The following ASB13 variants were observed in gnomAD, a reference collection of about 807,000 sequenced individuals.
The protein encoded by ASB13 is ankyrin repeat and SOCS box containing 13, also known as ankyrin repeat and SOCS box protein 13.
In ASB13, 33 loss-of-function variants were observed where a neutral mutation model predicts 28.8. That is an observed-to-expected ratio of 1.15 (90% CI 0.87 to 1.53). The LOEUF is 1.53. Ranked by LOEUF, ASB13 falls within the 40% of genes most tolerant of loss-of-function variation. The pLI is 0.00. For synonymous variants in ASB13, 182 were observed against 172.9 expected (o/e 1.05, Z -0.41); for missense variants, 414 against 390.1 (o/e 1.06, Z -0.52).
At position 5,641,437 on chromosome 10, in the gene ASB13, A is replaced by G. The variant is rs1427408929; in HGVS notation, c.709+333T>C. 3.3e-5 allele frequency among the ~76,000 whole-genome samples: 5 copies of G among 152,288 alleles called. No homozygotes were observed. The highest frequency in any genetic ancestry group is 4.8e-5 in the African/African-American group (2 of 41,568). On this transcript the variant is annotated intron_variant, in intron 5 of 5. Coordinates refer to ENST00000357700, the MANE Select transcript of ASB13 (RefSeq NM_024701.4). The surrounding 1 kb of genome is among the most constrained non-coding windows in gnomAD (Gnocchi z 8.4). The stretch of plus-strand genomic sequence containing the variant: ...TTTTGGTTTTTTGAGACACGGCATT[A>G]TATTTCAGCACCCAAACTTGTCATC...
At position 5,652,049 on chromosome 10, in the gene ASB13, C is replaced by G. The variant is rs1834997263; in HGVS notation, c.232-686G>C. Among the ~76,000 whole-genome samples the G allele has an allele frequency of 6.9e-6, 1 of 145,256 alleles. No individual in the cohort carries two copies. The highest frequency in any genetic ancestry group is 2.6e-5 in the African/African-American group (1 of 38,316). On this transcript the variant is annotated intron_variant, in intron 2 of 5. Transcript: ENST00000357700. This position sits in a 1 kb window ranked among gnomAD's most constrained non-coding sequence, Gnocchi z 5.0. The stretch of plus-strand genomic sequence containing the variant: ...AACCACACACACACACACACACACA[C>G]ACACACACACACAAAACTCTAACCT...
Position 5,641,142 on chromosome 10 carries a change from C to T in ASB13, c.710-312G>A, listed in dbSNP as rs1052885154. On this transcript the variant is annotated intron_variant, in intron 5 of 5. Coordinates refer to ENST00000357700, the MANE Select transcript of ASB13 (RefSeq NM_024701.4). This position sits in a 1 kb window ranked among gnomAD's most constrained non-coding sequence, Gnocchi z 8.4. ...GAGGCAAGAATCTCTTACTCTGTCA[C>T]CCAGGCTGGAGTGCAGCGGCACAAT... Among the ~76,000 whole-genome samples, 5 of 152,150 alleles carry T rather than the reference C, an allele frequency of 3.3e-5. No homozygotes were observed. The highest frequency in any genetic ancestry group is 7.4e-5 in the Non-Finnish European group (5 of 68,026).
chr10:5,666,509 C>T lies in ASB13; in HGVS notation c.43G>A (p.Gly15Ser). The change falls in exon 1 of 6, where the codon GGT (glycine) becomes AGT (serine). Residue 15 changes from glycine to serine, a missense_variant and splice_region_variant. Gly to Ser is a moderately conservative substitution (Grantham distance 56). Coordinates refer to ENST00000357700, the MANE Select transcript of ASB13 (RefSeq NM_024701.4). ...TGACCTCCGCGGCGCCCGCACGTAC[C>T]CACGTCGCCCAGGAAGCAGCCGTCC... ...AADGCFLGDV[G>S]FWVERTPVHE... is the part of the protein sequence containing the mutation. 1 of 1,289,190 alleles carries T rather than the reference C, an allele frequency of 7.8e-7. No homozygotes were observed. The highest frequency in any genetic ancestry group is 9.9e-7 in the Non-Finnish European group (1 of 1,013,694). 79.9% of individuals were successfully genotyped at this position (1,289,190 alleles called of 1,614,324 possible). A position where few individuals can be genotyped will look rare whatever the true frequency, so the allele number is the denominator to read the frequency against.
rs573693317 is a variant in ASB13, at chr10:5,649,022, G to A, written c.465C>T (p.His155=). Residue 155 remains histidine, a synonymous_variant, in exon 4 of 6, where the codon CAC becomes CAT. Transcript: ENST00000357700. This position sits in a 1 kb window ranked among gnomAD's most constrained non-coding sequence, Gnocchi z 6.4. ...CCAGATGCTCCCGGGCACAGGCAAC[G>A]TGCAGAGGGGTCCCAAAATGGCAAT... ...AHDCHFGTPL[H]VACAREHLDC... The A allele has an allele frequency of 6.6e-5, 107 of 1,614,262 alleles. No homozygotes were observed. The South Asian group carries it at 1.0e-3, about 15-fold the overall frequency.
chr10:5,664,672 C>A lies in ASB13; in HGVS notation c.43+1837G>T, dbSNP rs2386640. ...TAGGGAATGCAGAATTTCTTTATTT[C>A]TTTATTTATTTATTTTATTTATTTT... On this transcript the variant is annotated intron_variant, in intron 1 of 5. Transcript: ENST00000357700. The surrounding 1 kb of genome is among the most constrained non-coding windows in gnomAD (Gnocchi z 4.2). Among the ~76,000 whole-genome samples, 29,555 of 151,916 alleles carry A rather than the reference C, an allele frequency of 0.19. 3,547 individuals carry two copies. The highest frequency in any genetic ancestry group is 0.51 in the East Asian group (2,605 of 5,156).
In ASB13 at chr10:5,664,092, A is replaced by G. The variant is rs1196287925; in HGVS notation, c.43+2417T>C. On this transcript the variant is annotated intron_variant, in intron 1 of 5. Coordinates refer to ENST00000357700, the MANE Select transcript of ASB13 (RefSeq NM_024701.4). This position sits in a 1 kb window ranked among gnomAD's most constrained non-coding sequence, Gnocchi z 4.2. The stretch of plus-strand genomic sequence containing the variant: ...GGAGAGCAGGCTGGTGCAGTGGCTA[A>G]CCAGGATACAGAAGGCGGGCTTGGC... Among the ~76,000 whole-genome samples the G allele has an allele frequency of 1.3e-5, 2 of 152,174 alleles. No homozygotes were observed. Among genetic ancestry groups the G allele is most frequent in the African/African-American group, 4.8e-5 (2 of 41,424 alleles).
rs576233457 is a variant in ASB13, at chr10:5,640,669, C to T, written c.*34G>A. 9.9e-6 allele frequency: 16 copies of T among 1,612,986 alleles called. No homozygotes were observed. Among genetic ancestry groups the T allele is most frequent in the South Asian group, 3.3e-5 (3 of 90,974 alleles). ...CTCACCCGGGCAATGCTGGGCACAA[C>T]GGGGGCAGCCACGGTCCGGACCCCA... On this transcript the variant is annotated 3_prime_UTR_variant, in exon 6 of 6. Transcript: ENST00000357700.
rs1486835601 is a variant in ASB13 at position 5,648,977 on chromosome 10, G to A, written c.510C>T (p.Leu170=). The change falls in exon 4 of 6, where the codon CTC becomes CTT. Residue 170 remains leucine, a synonymous_variant. Coordinates refer to ENST00000357700, the MANE Select transcript of ASB13 (RefSeq NM_024701.4). ...GGGCAAACACCCACTCACCTGCATTGAGCAGCACTTTGACACAGTCCAGAT... is the reference window on the plus strand; with the variant it reads ...GGGCAAACACCCACTCACCTGCATTAAGCAGCACTTTGACACAGTCCAGAT... ...REHLDCVKVL[L]NAGANVNAAK... 9.9e-6 allele frequency: 16 copies of A among 1,613,668 alleles called. No individual in the cohort carries two copies. The highest frequency in any genetic ancestry group is 1.4e-5 in the Non-Finnish European group (16 of 1,180,024).
chr10:5,654,427 C>A (rs533273105), intron 1 of ASB13, among the ~76,000 whole-genome samples: 1 of 152,078 alleles, frequency 6.6e-6, no homozygotes, highest in South Asian at 2.1e-4. Context: ...ACCTGGAGGA[C>A]GAGTCAAGGA....
rs1834870871 is a variant in ASB13, at chr10:5,645,464, T to TA, written c.518-3504_518-3503insT. On this transcript the variant is annotated intron_variant, in intron 4 of 5. Coordinates refer to ENST00000357700, the MANE Select transcript of ASB13 (RefSeq NM_024701.4). The surrounding 1 kb of genome is among the most constrained non-coding windows in gnomAD (Gnocchi z 5.4). ...CACCATCATAACCGGACTTTCACCC[T>TA]CCCCAGCCCTCCTCCTTTGCAAATA... Among the ~76,000 whole-genome samples, 1 of 152,082 alleles carries TA rather than the reference T, an allele frequency of 6.6e-6. No individual in the cohort carries two copies. The highest frequency in any genetic ancestry group is 1.5e-5 in the Non-Finnish European group (1 of 68,014).
rs1304772891 is a variant in ASB13 at position 5,663,347 on chromosome 10, C to T, written c.43+3162G>A. ...TTCCACCTGCAGGACGCTAAAACCACACTGGATTCGCTGCATTATCCTTCA... is the reference window on the plus strand; with the variant it reads ...TTCCACCTGCAGGACGCTAAAACCATACTGGATTCGCTGCATTATCCTTCA... On this transcript the variant is annotated intron_variant, in intron 1 of 5. Transcript: ENST00000357700. This position sits in a 1 kb window ranked among gnomAD's most constrained non-coding sequence, Gnocchi z 4.9. Among the ~76,000 whole-genome samples, 1 of 152,230 alleles carries T rather than the reference C, an allele frequency of 6.6e-6. No homozygotes were observed. Among genetic ancestry groups the T allele is most frequent in the Non-Finnish European group, 1.5e-5 (1 of 68,042 alleles).
Position 5,663,075 on chromosome 10 carries a change from C to T in ASB13, c.43+3434G>A, listed in dbSNP as rs1458679883. Among the ~76,000 whole-genome samples the T allele has an allele frequency of 1.3e-5, 2 of 152,048 alleles. No individual in the cohort carries two copies. The highest frequency in any genetic ancestry group is 4.8e-5 in the African/African-American group (2 of 41,382). On this transcript the variant is annotated intron_variant, in intron 1 of 5. Coordinates refer to ENST00000357700, the MANE Select transcript of ASB13 (RefSeq NM_024701.4). The surrounding 1 kb of genome is among the most constrained non-coding windows in gnomAD (Gnocchi z 4.9). ...TATGAATCCCCAAAATATAGTTTGT[C>T]GGTAAACTTGAGGTCAAACAGCAGA...
intron 1 of ASB13, among the ~76,000 whole-genome samples, chr10:5,653,657 CATTTATTT>C (rs34881215): frequency 0.3 from 44,452 of 148,402 alleles, 6,749 homozygotes; most frequent in Middle Eastern, 0.36. Flanking sequence ...ATGTGGATGC[CATTTATTT>C]ATTTATTTAT....
intron 1 of ASB13, among the ~76,000 whole-genome samples, chr10:5,665,295 C>T (rs1312322257): frequency 6.6e-6 from 1 of 152,182 alleles, no homozygotes; most frequent in African/African-American, 2.4e-5. Context: ...ACACATTCAG[C>T]TTATTCATTA....
Position 5,640,569 on chromosome 10 carries a change from G to T in ASB13, c.*134C>A. The T allele has an allele frequency of 1.7e-6, 2 of 1,158,434 alleles. No individual in the cohort carries two copies. Among genetic ancestry groups the T allele is most frequent in the Non-Finnish European group, 2.5e-6 (2 of 814,356 alleles). The allele number at this position is 1,158,434 out of a possible 1,614,324, so 71.8% of individuals were successfully genotyped here. On this transcript the variant is annotated 3_prime_UTR_variant, in exon 6 of 6. Coordinates refer to ENST00000357700, the MANE Select transcript of ASB13 (RefSeq NM_024701.4). ...GGATCCAGGAGAGAAGCCTAAACAG[G>T]ATCGCAGGAAGGGACTCGAAGGAGC...
chr10:5,654,145 CTTTTTTT>C (rs145949502), intron 1 of ASB13, among the ~76,000 whole-genome samples: 5 of 128,778 alleles, frequency 3.9e-5, no homozygotes, highest in East Asian at 4.4e-4. Context: ...TTCTTTTTTT[CTTTTTTT>C]TTTTTTTTGT....
rs762894732 is a variant in ASB13 at position 5,649,150 on chromosome 10, C to A, written c.383-46G>T. On this transcript the variant is annotated intron_variant, in intron 3 of 5. Transcript: ENST00000357700. This position sits in a 1 kb window ranked among gnomAD's most constrained non-coding sequence, Gnocchi z 6.4. ...GGGGGAATGTCCTTGAATACGGACA[C>A]TGGAGACAACAAGCACACAGACGCG... 1.9e-6 allele frequency: 3 copies of A among 1,610,246 alleles called. No individual in the cohort carries two copies. Among genetic ancestry groups the A allele is most frequent in the African/African-American group, 1.3e-5 (1 of 75,028 alleles).
rs1835232441 is a variant in ASB13 at position 5,664,868 on chromosome 10, T to A, written c.43+1641A>T. On this transcript the variant is annotated intron_variant, in intron 1 of 5. Transcript: ENST00000357700. The surrounding 1 kb of genome is among the most constrained non-coding windows in gnomAD (Gnocchi z 4.2). ...GCTAATTTTTGTATTTTTATTTATT[T>A]ATTTTGAGACAGAGTTTTGCTCTTG... is the stretch of plus-strand genomic sequence containing the variant. Among the ~76,000 whole-genome samples the A allele has an allele frequency of 6.6e-6, 1 of 151,804 alleles. No homozygotes were observed. The highest frequency in any genetic ancestry group is 2.4e-5 in the African/African-American group (1 of 41,294).
chr10:5,654,792 C>G (rs1467138803), intron 1 of ASB13, among the ~76,000 whole-genome samples: 1 of 152,182 alleles, frequency 6.6e-6, no homozygotes, highest in African/African-American at 2.4e-5. Context: ...TTCCCCAGAT[C>G]TTACTTTTAC....
Sources: gnomAD v4.1 joint callset for allele counts (sites outside exome capture counted in the v4.1 genomes callset) on GRCh38, gnomAD v4.1.1 for gene constraint, Gnocchi (gnomAD v3.1) non-coding constraint, MANE v1.5 for transcripts, NCBI Gene and HGNC (gene_info 2026-07-23, HGNC 2026-07-21) for gene names.